Variants in PNOC observed in about 807,000 individuals in gnomAD.
The protein encoded by PNOC is prepronociceptin.
In PNOC, 10 loss-of-function variants were observed where a neutral mutation model predicts 15.6. The observed-to-expected ratio is 0.64, with a 90% CI of 0.40 to 1.09. PNOC has a LOEUF of 1.09. Among genes scored for constraint, PNOC ranks in the 50% least tolerant of loss-of-function variants. PNOC has a pLI of 0.01. For missense variants in PNOC, 220 were observed against 223.9 expected (o/e 0.98, Z 0.11); for synonymous variants, 98 against 88.5 (o/e 1.11, Z -0.60).
chr8:28,317,774 G>A (rs1446913553), intron 1 of PNOC, among the ~76,000 whole-genome samples: 6 of 152,068 alleles, frequency 3.9e-5, no homozygotes, highest in Admixed American at 3.9e-4. Flanking sequence ...GATGCGGTGC[G>A]CAGGCTGCTT....
chr8:28,324,477 T>C (rs1352310478), intron 1 of PNOC, among the ~76,000 whole-genome samples: 1 of 152,220 alleles, frequency 6.6e-6, no homozygotes, highest in Non-Finnish European at 1.5e-5. Flanking sequence ...CTGCGACGTA[T>C]AGCCACTGCC....
chr8:28,327,565 C>CTTTTTTTTTT (rs1369152376), intron 1 of PNOC, among the ~76,000 whole-genome samples: 1 of 145,568 alleles, frequency 6.9e-6, no homozygotes. Flanking sequence ...ACATAAAATT[C>CTTTTTTTTTT]TTTTCTTTTT....
chr8:28,332,702 G>C (rs774990864), intron 2 of PNOC, among the ~76,000 whole-genome samples: 2 of 152,216 alleles, frequency 1.3e-5, no homozygotes, highest in Non-Finnish European at 2.9e-5. Flanking sequence ...TGTAATCCCA[G>C]CATTTTGGGA....
intron 1 of PNOC, among the ~76,000 whole-genome samples, chr8:28,319,676 C>T (rs535181274): frequency 9.2e-5 from 14 of 152,180 alleles, no homozygotes; most frequent in Admixed American, 2.6e-4. Context: ...TGCACTGACA[C>T]GGTTCAGTGA....
At chr8:28,335,485 T>A (rs1319706785) in intron 2 of PNOC, among the ~76,000 whole-genome samples, 1 of 152,232 alleles carries the variant, frequency 6.6e-6, no homozygotes. Context: ...TAAGTTTTAA[T>A]CCCTGCTTCT....
At chr8:28,336,572 G>A (rs111399670) in intron 2 of PNOC, among the ~76,000 whole-genome samples, 52 of 152,308 alleles carry the variant, frequency 3.4e-4, no homozygotes, top group African/African-American at 1.1e-3. Flanking sequence ...ATGAAGAATC[G>A]GAAATAAGAC....
intron 1 of PNOC, among the ~76,000 whole-genome samples, chr8:28,319,831 G>A (rs961359801): frequency 6.6e-6 from 1 of 152,196 alleles, no homozygotes; most frequent in East Asian, 1.9e-4. Flanking sequence ...GAGCCGTCCT[G>A]ACAATGAGTG....
chr8:28,331,997 T>A (rs1801336811), intron 2 of PNOC, among the ~76,000 whole-genome samples: 2 of 152,216 alleles, frequency 1.3e-5, no homozygotes, highest in South Asian at 4.1e-4. Flanking sequence ...TACATTTCCA[T>A]CTTTCAGAGA....
At chr8:28,330,387 TTTTATTTTA>T in intron 2 of PNOC, among the ~76,000 whole-genome samples, 1 of 71,068 alleles carries the variant, frequency 1.4e-5, no homozygotes, top group East Asian at 2.7e-4. Context: ...TTTTATTTTA[TTTTATTTTA>T]TTTTTTTTTT....
chr8:28,325,809 C>G (rs1394558456), intron 1 of PNOC, among the ~76,000 whole-genome samples: 2 of 151,750 alleles, frequency 1.3e-5, no homozygotes, highest in African/African-American at 4.8e-5. Context: ...CTTGGAGCTC[C>G]CCCTGACAGC....
intron 1 of PNOC, among the ~76,000 whole-genome samples, chr8:28,323,483 A>G (rs937655188): frequency 6.6e-6 from 1 of 152,224 alleles, no homozygotes; most frequent in Non-Finnish European, 1.5e-5. Context: ...ACTGAGGCTC[A>G]CAGAAGTGAA....
chr8:28,339,634 A>C, intron 3 of PNOC, 143 bp downstream of exon 3: 1 of 568,388 alleles, frequency 1.8e-6, no homozygotes, highest in Non-Finnish European at 2.6e-6. Context: ...AGTCCAGCCC[A>C]CCCTTTCTCT....
chr8:28,321,379 A>G (rs762485857), intron 1 of PNOC, among the ~76,000 whole-genome samples: 7 of 152,116 alleles, frequency 4.6e-5, no homozygotes, highest in African/African-American at 9.7e-5. Context: ...TGTTGCCAGT[A>G]TATGTGGGAG....
intron 1 of PNOC, among the ~76,000 whole-genome samples, chr8:28,326,646 G>A (rs1801230276): frequency 6.6e-6 from 1 of 152,190 alleles, no homozygotes; most frequent in Non-Finnish European, 1.5e-5. Flanking sequence ...CAGATCACAA[G>A]GTCAGGAGTT....
intron 3 of PNOC, among the ~76,000 whole-genome samples, chr8:28,340,453 T>C (rs547669708): frequency 5.9e-5 from 9 of 152,304 alleles, no homozygotes; most frequent in South Asian, 2.1e-4. Flanking sequence ...TTGAGTGGCA[T>C]TGGCAACCTA....
In PNOC at chr8:28,338,515, AC is replaced by A. The variant is rs200265277; in HGVS notation, c.127-524del. 2.0e-3 allele frequency: 1,569 copies of A among 789,104 alleles called. 27 individuals are homozygous for A. The African/African-American group carries it at 0.027, about 14-fold the overall frequency. 48.9% of individuals were successfully genotyped at this position (789,104 alleles called of 1,614,324 possible). ...ATACACAGATAGTGACGACTGCTGT[AC>A]GCGGGATGAAAAATTAACAACACCT... On this transcript the variant is annotated intron_variant, in intron 2 of 3. Transcript: ENST00000301908.
intron 1 of PNOC, among the ~76,000 whole-genome samples, chr8:28,319,682 A>G (rs1257599906): frequency 6.6e-6 from 1 of 152,178 alleles, no homozygotes; most frequent in Non-Finnish European, 1.5e-5. Flanking sequence ...GACACGGTTC[A>G]GTGATCCCTC....
intron 1 of PNOC, among the ~76,000 whole-genome samples, chr8:28,317,694 A>G (rs978836862): frequency 6.6e-6 from 1 of 151,916 alleles, no homozygotes; most frequent in Non-Finnish European, 1.5e-5. Flanking sequence ...TTTGCCTTCC[A>G]CGGGGCGGCC....
rs10685321 is a variant in PNOC at position 28,337,581 on chromosome 8, C to CTTTTTT, written c.127-1445_127-1440dup. ...TCCCAAAGTTCTGGGATTACGTTTCCTTTTTTTTTTTTTTTTTTTGAGACG... is the reference window on the plus strand; with the variant it reads ...TCCCAAAGTTCTGGGATTACGTTTCCTTTTTTTTTTTTTTTTTTTTTTTTTGAGACG... On this transcript the variant is annotated intron_variant, in intron 2 of 3. Transcript: ENST00000301908. Among the ~76,000 whole-genome samples the CTTTTTT allele has an allele frequency of 1.6e-3, 182 of 117,114 alleles. 3 individuals carry two copies. Among genetic ancestry groups the CTTTTTT allele is most frequent in the Non-Finnish European group, 2.7e-3 (159 of 59,410 alleles). 76.8% of individuals were successfully genotyped at this position (117,114 alleles called of 152,430 possible). A position where few individuals can be genotyped will look rare whatever the true frequency, so the allele number is the denominator to read the frequency against.
Sources: gnomAD v4.1 joint callset for allele counts (sites outside exome capture counted in the v4.1 genomes callset) on GRCh38, gnomAD v4.1.1 for gene constraint, MANE v1.5 for transcripts, NCBI Gene and HGNC (gene_info 2026-07-23, HGNC 2026-07-21) for gene names.